VPS54: variants seen among roughly 807,000 people sequenced by gnomAD.
VPS54 encodes VPS54 subunit of GARP complex.
A neutral mutation model predicts 121.5 loss-of-function variants in VPS54; 45 were observed. The observed-to-expected ratio is 0.37, with a 90% CI of 0.29 to 0.47. The LOEUF is 0.47. Ranked by LOEUF, VPS54 falls within the 20% of genes least tolerant of loss-of-function variation. VPS54 has a pLI of 0.99. For missense variants in VPS54, 1,090 were observed against 1,131.4 expected (o/e 0.96, Z 0.52); for synonymous variants, 371 against 385.8 (o/e 0.96, Z 0.45).
chr2:63,998,287 C>G (rs1309037857), intron 1 of VPS54, among the ~76,000 whole-genome samples: 1 of 151,574 alleles, frequency 6.6e-6, no homozygotes, highest in African/African-American at 2.4e-5. Context: ...CTTTTTTTGT[C>G]TGTGTGTGTC....
intron 7 of VPS54, among the ~76,000 whole-genome samples, chr2:63,957,474 TAATTAA>T (rs1675558223): frequency 6.6e-6 from 1 of 151,040 alleles, no homozygotes; most frequent in African/African-American, 2.4e-5. Context: ...TATGTCCTAA[TAATTAA>T]AATTGCCCAA....
At chr2:63,966,631 A>G (rs567956325) in intron 5 of VPS54, among the ~76,000 whole-genome samples, 1 of 152,304 alleles carries the variant, frequency 6.6e-6, no homozygotes, top group South Asian at 2.1e-4. Flanking sequence ...ATACTCCTCT[A>G]CAATGTCAAG....
chr2:63,948,327 T>C (rs1457672871), intron 8 of VPS54, among the ~76,000 whole-genome samples: 1 of 151,794 alleles, frequency 6.6e-6, no homozygotes, highest in Non-Finnish European at 1.5e-5. Context: ...TGTATTTGTA[T>C]ATACATATAT....
intron 12 of VPS54, among the ~76,000 whole-genome samples, chr2:63,931,040 C>T (rs1214389703): frequency 2.6e-5 from 4 of 152,204 alleles, no homozygotes; most frequent in Admixed American, 2.6e-4. Flanking sequence ...GAAAAACATT[C>T]CATGCTCATG....
intron 1 of VPS54, among the ~76,000 whole-genome samples, chr2:63,997,075 C>T (rs1392777227): frequency 6.6e-6 from 1 of 152,156 alleles, no homozygotes; most frequent in Non-Finnish European, 1.5e-5. Context: ...CTTTATTTCT[C>T]AGACTGGCCG....
At chr2:63,979,402 G>T (rs1676700479) in intron 3 of VPS54, among the ~76,000 whole-genome samples, 3 of 151,822 alleles carry the variant, frequency 2.0e-5, no homozygotes, top group Admixed American at 6.6e-5. Context: ...ATCATGCCTG[G>T]CTAATTTTTT....
chr2:63,923,098 G>A (rs1470755952), intron 12 of VPS54, among the ~76,000 whole-genome samples: 1 of 152,074 alleles, frequency 6.6e-6, no homozygotes, highest in Non-Finnish European at 1.5e-5. Context: ...CAGATCATGA[G>A]GTCAGGAGAC....
At chr2:63,978,842 A>G (rs1388355321) in intron 3 of VPS54, among the ~76,000 whole-genome samples, 1 of 152,002 alleles carries the variant, frequency 6.6e-6, no homozygotes, top group Non-Finnish European at 1.5e-5. Context: ...CTGGTCTCGA[A>G]CTCTTGACCT....
chr2:63,959,913 CG>C (rs1007825247), intron 7 of VPS54, among the ~76,000 whole-genome samples: 34 of 152,054 alleles, frequency 2.2e-4, no homozygotes, highest in Middle Eastern at 6.8e-3. Flanking sequence ...CCCAGCTACT[CG>C]GGAGCTGAGG....
At chr2:63,951,171 CTGT>C (rs1030675334) in intron 7 of VPS54, among the ~76,000 whole-genome samples, 1 of 148,946 alleles carries the variant, frequency 6.7e-6, no homozygotes, top group African/African-American at 2.5e-5. Flanking sequence ...TTTGTAAATG[CTGT>C]TGTAGCTGGA....
intron 20 of VPS54, among the ~76,000 whole-genome samples, chr2:63,905,154 A>T (rs749931150): frequency 6.6e-6 from 1 of 152,174 alleles, no homozygotes; most frequent in Non-Finnish European, 1.5e-5. Context: ...ATTAGAAAAC[A>T]GCAAATTAAA....
intron 1 of VPS54, among the ~76,000 whole-genome samples, chr2:64,013,178 G>A (rs79806976): frequency 0.012 from 1,826 of 152,216 alleles, 16 homozygotes; most frequent in Non-Finnish European, 0.014. Context: ...TTGCATTACC[G>A]ATATAGTGAT....
At chr2:64,009,332 T>G (rs966633379) in intron 1 of VPS54, among the ~76,000 whole-genome samples, 3 of 152,220 alleles carry the variant, frequency 2.0e-5, no homozygotes, top group African/African-American at 7.2e-5. Context: ...TTCTTTTTTT[T>G]TGAGATGGAG....
intron 9 of VPS54, among the ~76,000 whole-genome samples, chr2:63,946,193 T>C (rs1196247212): frequency 6.6e-6 from 1 of 152,162 alleles, no homozygotes; most frequent in Non-Finnish European, 1.5e-5. Flanking sequence ...GTCTATGATA[T>C]TCATTTGTTA....
At chr2:63,978,251 T>A (rs1676638290) in intron 3 of VPS54, among the ~76,000 whole-genome samples, 1 of 152,176 alleles carries the variant, frequency 6.6e-6, no homozygotes, top group Non-Finnish European at 1.5e-5. Flanking sequence ...CTGCCAAACT[T>A]TTTTCCAAAG....
At chr2:63,895,694 CAA>C (rs2104392218) in intron 22 of VPS54, among the ~76,000 whole-genome samples, 1 of 142,914 alleles carries the variant, frequency 7.0e-6, no homozygotes, top group East Asian at 2.0e-4. Flanking sequence ...ATTTCAGAAA[CAA>C]AAACTTTTAA....
At chr2:63,895,858 A>G (rs943829338) in intron 22 of VPS54, among the ~76,000 whole-genome samples, 5 of 152,220 alleles carry the variant, frequency 3.3e-5, no homozygotes, top group Admixed American at 6.5e-5. Flanking sequence ...CTATATTAAG[A>G]AAGAAAAGTA....
At chr2:63,959,192 T>C (rs1043490519) in intron 7 of VPS54, among the ~76,000 whole-genome samples, 1 of 152,168 alleles carries the variant, frequency 6.6e-6, no homozygotes, top group Admixed American at 6.5e-5. Context: ...TAACAACCTT[T>C]AGCAAAAGGA....
intron 7 of VPS54, 105 bp downstream of exon 7, chr2:63,961,951 AAT>A: frequency 8.4e-7 from 1 of 1,197,574 alleles, no homozygotes; most frequent in Non-Finnish European, 1.1e-6. Flanking sequence ...TGGAAGAAAA[AAT>A]ATCCATTTAA....
Sources: allele counts gnomAD v4.1 joint callset (sites outside exome capture counted in the v4.1 genomes callset), GRCh38; gene constraint gnomAD v4.1.1; transcripts MANE v1.5; gene names NCBI Gene and HGNC (gene_info 2026-07-23, HGNC 2026-07-21).